The following SBF2 variants were observed in gnomAD, a reference collection of about 807,000 sequenced individuals.
SBF2 encodes the protein SET binding factor 2.
In SBF2, 112 loss-of-function variants were observed where a neutral mutation model predicts 225.2. That is an observed-to-expected ratio of 0.50 (90% CI 0.43 to 0.58). The LOEUF (loss-of-function observed/expected upper bound fraction) is 0.58, where lower values mean the gene tolerates loss of function less well. Ranked by LOEUF, SBF2 falls within the 20% of genes least tolerant of loss-of-function variation. The pLI is 0.00. For synonymous variants in SBF2, 763 were observed against 773.3 expected (o/e 0.99, Z 0.22); for missense variants, 1,996 against 2,206.2 (o/e 0.90, Z 1.91).
chr11:9,958,844 T>C (rs1866372377), intron 16 of SBF2: 2 of 632,382 alleles, frequency 3.2e-6, no homozygotes, highest in Admixed American at 4.0e-5. Context: ...GCAATGATCT[T>C]CAAAGTAACC....
At chr11:9,948,280 T>C (rs1865675967) in intron 16 of SBF2, among the ~76,000 whole-genome samples, 1 of 152,004 alleles carries the variant, frequency 6.6e-6, no homozygotes, top group African/African-American at 2.4e-5. Context: ...ACGGGAGTTA[T>C]CGTTTAATAG....
chr11:10,151,851 C>T (rs1955210346), intron 2 of SBF2, among the ~76,000 whole-genome samples: 1 of 152,090 alleles, frequency 6.6e-6, no homozygotes, highest in African/African-American at 2.4e-5. Flanking sequence ...CCTATATCAC[C>T]CATAATTTCA....
intron 2 of SBF2, among the ~76,000 whole-genome samples, chr11:10,112,407 A>C (rs1449383862): frequency 6.6e-6 from 1 of 152,156 alleles, no homozygotes; most frequent in East Asian, 1.9e-4. Context: ...GTTTCCTTGC[A>C]CAAGCTCCCT....
chr11:9,788,625 T>C (rs867380783), intron 35 of SBF2, among the ~76,000 whole-genome samples: 11 of 148,234 alleles, frequency 7.4e-5, no homozygotes, highest in Middle Eastern at 3.5e-3. Flanking sequence ...GACGGAGTCT[T>C]GCTCTGTCAC....
intron 1 of SBF2, among the ~76,000 whole-genome samples, chr11:10,287,474 C>T (rs1199629818): frequency 6.6e-6 from 1 of 151,902 alleles, no homozygotes; most frequent in African/African-American, 2.4e-5. Context: ...ATGGGGCTCA[C>T]CATGTGGCAC....
intron 13 of SBF2, among the ~76,000 whole-genome samples, chr11:9,978,685 C>A (rs960751361): frequency 1.3e-5 from 2 of 152,080 alleles, no homozygotes; most frequent in Non-Finnish European, 2.9e-5. Context: ...CTTTATCACC[C>A]ATGCTGGAGT....
chr11:9,964,230 A>G (rs1866759723), intron 14 of SBF2, among the ~76,000 whole-genome samples: 1 of 152,232 alleles, frequency 6.6e-6, no homozygotes, highest in East Asian at 1.9e-4. Context: ...GCTGGGTGAC[A>G]GAGTGAGACC....
intron 27 of SBF2, among the ~76,000 whole-genome samples, chr11:9,830,248 T>C (rs188392275): frequency 6.6e-6 from 1 of 152,312 alleles, no homozygotes; most frequent in African/African-American, 2.4e-5. Flanking sequence ...TATTCATAAA[T>C]TTTCTTACAA....
rs559305062 is a variant in SBF2, at chr11:10,087,427, C to T, written c.142-44446G>A. On this transcript the variant is annotated intron_variant, in intron 2 of 39. Coordinates refer to ENST00000256190, the MANE Select transcript of SBF2 (RefSeq NM_030962.4). ...GATTTTAACAATAATATTTAGCAGCCAGTGAATATTCTGCAAGTGCCTTTC... is the reference window on the plus strand; with the variant it reads ...GATTTTAACAATAATATTTAGCAGCTAGTGAATATTCTGCAAGTGCCTTTC... Among the ~76,000 whole-genome samples the T allele has an allele frequency of 3.9e-5, 6 of 152,146 alleles. No homozygotes were observed. In the South Asian group the frequency reaches 1.2e-3, roughly 32 times the overall value.
At chr11:9,812,279 C>T (rs1854231014) in intron 30 of SBF2, among the ~76,000 whole-genome samples, 1 of 152,076 alleles carries the variant, frequency 6.6e-6, no homozygotes, top group Non-Finnish European at 1.5e-5. Context: ...TAATTTTCTC[C>T]TTAGTGTCCT....
At chr11:9,940,214 T>C (rs1865168872) in intron 16 of SBF2, among the ~76,000 whole-genome samples, 1 of 152,020 alleles carries the variant, frequency 6.6e-6, no homozygotes, top group Admixed American at 6.6e-5. Context: ...CCATCCTGGC[T>C]AACACGGTGA....
At chr11:9,840,264 A>C (rs898694790) in intron 25 of SBF2, among the ~76,000 whole-genome samples, 2 of 152,116 alleles carry the variant, frequency 1.3e-5, no homozygotes, top group East Asian at 1.9e-4. Flanking sequence ...AAAAAAAAAA[A>C]AAACAAACCC....
At position 9,932,156 on chromosome 11, in the gene SBF2, AG is replaced by A. The variant is rs141380390; in HGVS notation, c.1860+29800del. Among the ~76,000 whole-genome samples the A allele has an allele frequency of 1.6e-3, 248 of 152,322 alleles. 1 individual carries two copies. Among genetic ancestry groups the A allele is most frequent in the Non-Finnish European group, 1.4e-3 (92 of 68,018 alleles). ...TGAAAAGACCAAATCTACATTTGAT[AG>A]GTGTACCTGAAAGTGATGGGGAAAA... is the stretch of plus-strand genomic sequence containing the variant. On this transcript the variant is annotated intron_variant, in intron 16 of 39. Coordinates refer to ENST00000256190, the MANE Select transcript of SBF2 (RefSeq NM_030962.4).
intron 2 of SBF2, among the ~76,000 whole-genome samples, chr11:10,061,812 T>A (rs1185230736): frequency 6.6e-6 from 1 of 152,160 alleles, no homozygotes; most frequent in Non-Finnish European, 1.5e-5. Flanking sequence ...AAACTACCAA[T>A]GACATTCTTC....
intron 2 of SBF2, among the ~76,000 whole-genome samples, chr11:10,115,869 A>G (rs1436958774): frequency 6.6e-6 from 1 of 152,164 alleles, no homozygotes; most frequent in Non-Finnish European, 1.5e-5. Context: ...GTACATATAA[A>G]ATATTTGTTT....
intron 2 of SBF2, among the ~76,000 whole-genome samples, chr11:10,174,105 TCTC>T (rs1310573428): frequency 6.6e-6 from 1 of 151,618 alleles, no homozygotes; most frequent in African/African-American, 2.4e-5. Flanking sequence ...GCAGAGCGCC[TCTC>T]CTCCTCCAAA....
intron 2 of SBF2, among the ~76,000 whole-genome samples, chr11:10,087,275 C>T (rs1306591175): frequency 1.3e-5 from 2 of 152,110 alleles, no homozygotes; most frequent in African/African-American, 4.8e-5. Context: ...AGGAAACACC[C>T]ATTTTGCTAT....
Position 10,196,866 on chromosome 11 carries a change from A to ATATATATATATATATTTTTTTT in SBF2, c.56-2880_56-2879insAAAAAAAATATATATATATATA. On this transcript the variant is annotated intron_variant, in intron 1 of 39. Coordinates refer to ENST00000256190, the MANE Select transcript of SBF2 (RefSeq NM_030962.4). ...TATATATATATATATATATATATAT[A>ATATATATATATATATTTTTTTT]TTTTTTTTTTCCTACAAAATGAATA... Among the ~76,000 whole-genome samples the ATATATATATATATATTTTTTTT allele has an allele frequency of 3.2e-4, 32 of 99,300 alleles. 1 individual carries two copies. The highest frequency in any genetic ancestry group is 4.5e-4 in the Non-Finnish European group (23 of 50,696). The allele number at this position is 99,300 out of a possible 152,430, so 65.1% of individuals were successfully genotyped here. A position where few individuals can be genotyped will look rare whatever the true frequency, so the allele number is the denominator to read the frequency against.
intron 32 of SBF2, among the ~76,000 whole-genome samples, chr11:9,804,658 G>C (rs1433916901): frequency 6.6e-6 from 1 of 152,106 alleles, no homozygotes; most frequent in Non-Finnish European, 1.5e-5. Flanking sequence ...CAGTCACTAT[G>C]GTTTTGCCCT....
Sources: gnomAD v4.1 joint callset for allele counts (sites outside exome capture counted in the v4.1 genomes callset) on GRCh38, gnomAD v4.1.1 for gene constraint, MANE v1.5 for transcripts, NCBI Gene and HGNC (gene_info 2026-07-23, HGNC 2026-07-21) for gene names.